Variants in SLAMF8 observed in about 807,000 individuals in gnomAD.
SLAMF8 encodes SLAM family member 8.
A neutral mutation model predicts 29.0 loss-of-function variants in SLAMF8; 23 were observed. The observed-to-expected ratio is 0.79, with a 90% confidence interval of 0.57 to 1.13. The LOEUF is 1.13. Ranked by LOEUF, SLAMF8 falls within the 50% of genes most tolerant of loss-of-function variation. The probability of loss-of-function intolerance (pLI) is 0.00; values close to 1 mark genes in which losing one functional copy is unlikely to be tolerated. For missense variants in SLAMF8, 381 were observed against 353.1 expected (o/e 1.08, Z -0.63); for synonymous variants, 139 against 145.6 (o/e 0.96, Z 0.32).
rs1364434005 is a variant in SLAMF8, at chr1:159,835,777, G to T, written c.*517G>T. The T allele has an allele frequency of 1.0e-6, 1 of 985,650 alleles. No individual in the cohort carries two copies. The highest frequency in any genetic ancestry group is 1.1e-4 in the East Asian group (1 of 8,824). The allele number at this position is 985,650 out of a possible 1,614,324, so 61.1% of individuals were successfully genotyped here. ...GATGCTTCCTGAGGGCCAAGGCATT[G>T]CTGTAAGAAAAGGTCTAGAAATAGG... On this transcript the variant is annotated 3_prime_UTR_variant, in exon 5 of 5. Transcript: ENST00000289707.
In SLAMF8 at chr1:159,836,836, C is replaced by T; in HGVS notation, c.*1576C>T. ...CAAATTCTCATCCCTTTCCCACACC[C>T]ACTTCTCTCCTATCACCTTCCCCCA... On this transcript the variant is annotated 3_prime_UTR_variant, in exon 5 of 5. Coordinates refer to ENST00000289707, the MANE Select transcript of SLAMF8 (RefSeq NM_020125.3). 1.0e-6 allele frequency: 1 copy of T among 985,550 alleles called. No individual in the cohort carries two copies. The highest frequency in any genetic ancestry group is 1.2e-6 in the Non-Finnish European group (1 of 830,004). 61.1% of individuals were successfully genotyped at this position (985,550 alleles called of 1,614,324 possible).
Position 159,835,817 on chromosome 1 carries a change from G to C in SLAMF8, c.*557G>C, listed in dbSNP as rs1012300938. 3.0e-6 allele frequency: 3 copies of C among 985,534 alleles called. No individual in the cohort carries two copies. Among genetic ancestry groups the C allele is most frequent in the Non-Finnish European group, 3.6e-6 (3 of 830,030 alleles). The allele number at this position is 985,534 out of a possible 1,614,324, so 61.0% of individuals were successfully genotyped here. On this transcript the variant is annotated 3_prime_UTR_variant, in exon 5 of 5. Transcript: ENST00000289707. The stretch of plus-strand genomic sequence containing the variant: ...CTAGAAATAGGTGAAAGTGAGAGGT[G>C]GGGGACAGGGGTTTCTCTTTCTGGC...
Position 159,833,159 on chromosome 1 carries a change from G to A in SLAMF8, c.651G>A (p.Trp217Ter). 6.2e-7 allele frequency: 1 copy of A among 1,614,084 alleles called. No homozygotes were observed. Among genetic ancestry groups the A allele is most frequent in the Non-Finnish European group, 8.5e-7 (1 of 1,179,996 alleles). Residue 217 changes from tryptophan (W) to a stop codon, truncating the protein, a stop_gained, in exon 3 of 5, where the codon TGG (tryptophan) becomes TGA (stop). Coordinates refer to ENST00000289707, the MANE Select transcript of SLAMF8 (RefSeq NM_020125.3). LOFTEE classifies it high-confidence loss of function. ...VSWDLATVTP[W>*]DSCHHEAAPG... ...GGGACTTGGCCACAGTCACGCCCTG[G>A]GATAGCTGTCATCATGAGGCAGGTA...
In SLAMF8 at chr1:159,836,082, C is replaced by T; in HGVS notation, c.*822C>T. On this transcript the variant is annotated 3_prime_UTR_variant, in exon 5 of 5. Coordinates refer to ENST00000289707, the MANE Select transcript of SLAMF8 (RefSeq NM_020125.3). The stretch of plus-strand genomic sequence containing the variant: ...GCCAGGAAAAGAAATACTGAATTTG[C>T]CCCAGCCAACAGGACGTTCTTGCAC... 2 of 985,444 alleles carry T rather than the reference C, an allele frequency of 2.0e-6. 1 individual carries two copies. The highest frequency in any genetic ancestry group is 9.4e-5 in the South Asian group (2 of 21,284). The allele number at this position is 985,444 out of a possible 1,614,324, so 61.0% of individuals were successfully genotyped here. A position where few individuals can be genotyped will look rare whatever the true frequency, so the allele number is the denominator to read the frequency against.
In SLAMF8 at chr1:159,836,039, T is replaced by TCACGC; in HGVS notation, c.*780_*784dup. On this transcript the variant is annotated 3_prime_UTR_variant, in exon 5 of 5. Transcript: ENST00000289707. ...GGGAGTGAGGGTGGAGAGTCTTTCC[T>TCACGC]CACGCTCCAGCACAGTGGCCAGGAA... The TCACGC allele has an allele frequency of 1.0e-6, 1 of 985,422 alleles. No homozygotes were observed. 61.0% of individuals were successfully genotyped at this position (985,422 alleles called of 1,614,324 possible). A position where few individuals can be genotyped will look rare whatever the true frequency, so the allele number is the denominator to read the frequency against.
Position 159,835,528 on chromosome 1 carries a change from G to A in SLAMF8, c.*268G>A. The A allele has an allele frequency of 8.2e-7, 1 of 1,221,866 alleles. No homozygotes were observed. Among genetic ancestry groups the A allele is most frequent in the Non-Finnish European group, 1.0e-6 (1 of 978,218 alleles). 75.7% of individuals were successfully genotyped at this position (1,221,866 alleles called of 1,614,324 possible). ...TGAGCCAAGCAGAACATTCCATCCA[G>A]GACACTGGAAGTTCTCCAGGATCCA... On this transcript the variant is annotated 3_prime_UTR_variant, in exon 5 of 5. Coordinates refer to ENST00000289707, the MANE Select transcript of SLAMF8 (RefSeq NM_020125.3).
intron 4 of SLAMF8, among the ~76,000 whole-genome samples, chr1:159,834,113 G>T (rs1647711707): frequency 6.6e-6 from 1 of 152,182 alleles, no homozygotes; most frequent in Non-Finnish European, 1.5e-5. Context: ...GCCGCAGGAT[G>T]CCCTGCCCCT....
Position 159,833,360 on chromosome 1 carries a change from C to T in SLAMF8, c.772C>T (p.Pro258Ser). 1 of 1,613,912 alleles carries T rather than the reference C, an allele frequency of 6.2e-7. No individual in the cohort carries two copies. The highest frequency in any genetic ancestry group is 8.5e-7 in the Non-Finnish European group (1 of 1,179,850). Residue 258 changes from proline to serine, a missense_variant, in exon 4 of 5, where the codon CCC becomes TCC. Pro to Ser is a moderately conservative substitution (Grantham distance 74). Coordinates refer to ENST00000289707, the MANE Select transcript of SLAMF8 (RefSeq NM_020125.3). ...VTLFSAWHWCPCSGKKKKDVH... is the reference protein window; with the variant it reads ...VTLFSAWHWCSCSGKKKKDVH... ...TCTCTTCTCTGCCTGGCACTGGTGC[C>T]CCTGCTCAGGTAGGAGTCCTGCAGG...
Position 159,837,349 on chromosome 1 carries a change from T to C in SLAMF8, c.*2089T>C. On this transcript the variant is annotated 3_prime_UTR_variant, in exon 5 of 5. Transcript: ENST00000289707. ...GCTAATGAGCATTGAGACTGATGCTTTGTAAGTCACACCACAACAAATATT... is the reference window on the plus strand; with the variant it reads ...GCTAATGAGCATTGAGACTGATGCTCTGTAAGTCACACCACAACAAATATT... 4 of 958,858 alleles carry C rather than the reference T, an allele frequency of 4.2e-6. No individual in the cohort carries two copies. Among genetic ancestry groups the C allele is most frequent in the Non-Finnish European group, 5.0e-6 (4 of 805,638 alleles). 59.4% of individuals were successfully genotyped at this position (958,858 alleles called of 1,614,324 possible).
In SLAMF8 at chr1:159,835,303, G is replaced by A. The variant is rs1647837045; in HGVS notation, c.*43G>A. ...TGCCTGGACTATCAGTAACCCCACT[G>A]CACAGGCACACGATGCTCTGGGACA... is the stretch of plus-strand genomic sequence containing the variant. On this transcript the variant is annotated 3_prime_UTR_variant, in exon 5 of 5. Transcript: ENST00000289707. The A allele has an allele frequency of 2.5e-6, 4 of 1,599,018 alleles. No individual in the cohort carries two copies. In the East Asian group the frequency reaches 9.0e-5, roughly 36 times the overall value.
In SLAMF8 at chr1:159,830,127, TCTCC is replaced by T. The variant is rs1647379203; in HGVS notation, c.303_306del (p.Phe101LeufsTer3). 1.2e-6 allele frequency: 2 copies of T among 1,614,010 alleles called. No homozygotes were observed. Among genetic ancestry groups the T allele is most frequent in the Admixed American group, 3.3e-5 (2 of 60,016 alleles). On this transcript the variant is annotated frameshift_variant, in exon 2 of 5. Transcript: ENST00000289707. LOFTEE classifies it high-confidence loss of function. ...CTGGAGTCTGGAGACAGCGGCAACT[TCTCC>T]GTGTTGATGGTGGACACAAGGGGCC...
At chr1:159,833,432 CT>C (rs993902678) in intron 4 of SLAMF8, 63 bp downstream of exon 4, 16 of 1,608,790 alleles carry the variant, frequency 9.9e-6, no homozygotes, top group East Asian at 4.5e-5. Context: ...AGGAGGGGGT[CT>C]TGGACCTCCT....
chr1:159,834,124 G>A (rs1647712620), intron 4 of SLAMF8, among the ~76,000 whole-genome samples: 1 of 152,168 alleles, frequency 6.6e-6, no homozygotes, highest in Non-Finnish European at 1.5e-5. Flanking sequence ...CCCTGCCCCT[G>A]AAAGAACTAC....
intron 2 of SLAMF8, among the ~76,000 whole-genome samples, chr1:159,832,000 T>C (rs145341531): frequency 4.5e-4 from 68 of 152,324 alleles, no homozygotes; most frequent in African/African-American, 1.6e-3. Context: ...GACTTTGGAA[T>C]GCTGTCAGAG....
At position 159,835,323 on chromosome 1, in the gene SLAMF8, G is replaced by A. The variant is rs1026321087; in HGVS notation, c.*63G>A. 1.3e-5 allele frequency: 21 copies of A among 1,567,236 alleles called. No homozygotes were observed. The highest frequency in any genetic ancestry group is 1.5e-5 in the Non-Finnish European group (17 of 1,160,398). ...CCACTGCACAGGCACACGATGCTCT[G>A]GGACATAACTGGTGCCTGGAAATCA... is the stretch of plus-strand genomic sequence containing the variant. On this transcript the variant is annotated 3_prime_UTR_variant, in exon 5 of 5. Coordinates refer to ENST00000289707, the MANE Select transcript of SLAMF8 (RefSeq NM_020125.3).
chr1:159,837,303 C>A lies in SLAMF8; in HGVS notation c.*2043C>A. Reference sequence around the variant, plus strand: ...CCCTCCACCAAAAAAACACAAAGTGCTTCTGTGAGACCAATTTTGTGCTAA... The same window carrying A: ...CCCTCCACCAAAAAAACACAAAGTGATTCTGTGAGACCAATTTTGTGCTAA... On this transcript the variant is annotated 3_prime_UTR_variant, in exon 5 of 5. Transcript: ENST00000289707. 1 of 985,450 alleles carries A rather than the reference C, an allele frequency of 1.0e-6. No homozygotes were observed. Among genetic ancestry groups the A allele is most frequent in the Non-Finnish European group, 1.2e-6 (1 of 829,934 alleles). The allele number at this position is 985,450 out of a possible 1,614,324, so 61.0% of individuals were successfully genotyped here.
At position 159,835,166 on chromosome 1, in the gene SLAMF8, T is replaced by C; in HGVS notation, c.782-18T>C. Reference sequence around the variant, plus strand: ...CCAAACACTGGAGGGGTAACTTTCTTTCTGATGTCCTTACCAGGGAAAAAG... The same window carrying C: ...CCAAACACTGGAGGGGTAACTTTCTCTCTGATGTCCTTACCAGGGAAAAAG... On this transcript the variant is annotated intron_variant, in intron 4 of 4. Coordinates refer to ENST00000289707, the MANE Select transcript of SLAMF8 (RefSeq NM_020125.3). 19 of 1,611,788 alleles carry C rather than the reference T, an allele frequency of 1.2e-5. No individual in the cohort carries two copies. Among genetic ancestry groups the C allele is most frequent in the Non-Finnish European group, 1.6e-5 (19 of 1,178,706 alleles).
chr1:159,833,000 G>A lies in SLAMF8; in HGVS notation c.492G>A (p.Trp164Ter), dbSNP rs1647602479. 3 of 1,614,108 alleles carry A rather than the reference G, an allele frequency of 1.9e-6. No individual in the cohort carries two copies. The highest frequency in any genetic ancestry group is 2.5e-6 in the Non-Finnish European group (3 of 1,180,048). The change falls in exon 3 of 5, where the codon TGG becomes TGA. Residue 164 changes from tryptophan (W) to a stop codon, truncating the protein, a stop_gained. Coordinates refer to ENST00000289707, the MANE Select transcript of SLAMF8 (RefSeq NM_020125.3). LOFTEE classifies it high-confidence loss of function. ...ACATCAGCGAAATAACCTATAGCTG[G>A]CGACGGGAGACAACCATGGACTTTG... ...APNISEITYS[W>*]RRETTMDFGM... is the part of the protein sequence containing the mutation.
intron 2 of SLAMF8, 108 bp from the exon 3 acceptor site, chr1:159,832,768 G>T: frequency 1.2e-5 from 15 of 1,250,646 alleles, no homozygotes. Context: ...TGGAACAAGA[G>T]AGGCCTAGCC....
Sources: gnomAD v4.1 joint callset for allele counts (sites outside exome capture counted in the v4.1 genomes callset) on GRCh38, gnomAD v4.1.1 for gene constraint, MANE v1.5 for transcripts, NCBI Gene and HGNC (gene_info 2026-07-23, HGNC 2026-07-21) for gene names.